The following IFRD1 variants were observed in gnomAD, a reference collection of about 807,000 sequenced individuals.
IFRD1 encodes the protein interferon related developmental regulator 1.
A neutral mutation model predicts 52.9 loss-of-function variants in IFRD1; 35 were observed. The ratio of observed to expected loss-of-function variants is 0.66; its 90% confidence interval spans 0.51 to 0.88. IFRD1 has a LOEUF of 0.88. Among genes scored for constraint, IFRD1 ranks in the 40% least tolerant of loss-of-function variants. The pLI, the probability that IFRD1 is intolerant of heterozygous loss-of-function variation, is 0.00. For missense variants in IFRD1, 517 were observed against 550.8 expected (o/e 0.94, Z 0.61); for synonymous variants, 184 against 188.4 (o/e 0.98, Z 0.19).
In IFRD1 at chr7:112,471,579, CT is replaced by C. The variant is rs369657692; in HGVS notation, c.1042-631del. 4.5e-3 allele frequency among the ~76,000 whole-genome samples: 679 copies of C among 151,618 alleles called. 5 individuals carry two copies. Among genetic ancestry groups the C allele is most frequent in the South Asian group, 0.011 (52 of 4,792 alleles). ...CAAGTTCTGCCACTATTCCAGCTGACTTTTTTTTTAATCCATCTGACTTCTG... is the reference window on the plus strand; with the variant it reads ...CAAGTTCTGCCACTATTCCAGCTGACTTTTTTTTAATCCATCTGACTTCTG... On this transcript the variant is annotated intron_variant, in intron 9 of 11. Coordinates refer to ENST00000403825, the MANE Select transcript of IFRD1 (RefSeq NM_001550.4).
chr7:112,467,101 C>T (rs1263399656), intron 8 of IFRD1, among the ~76,000 whole-genome samples: 1 of 152,060 alleles, frequency 6.6e-6, no homozygotes, highest in Non-Finnish European at 1.5e-5. Context: ...TGTAATAATC[C>T]TTTTCATTTT....
intron 1 of IFRD1, 92 bp downstream of exon 1, chr7:112,450,874 C>T: frequency 1.2e-6 from 1 of 869,068 alleles, no homozygotes; most frequent in African/African-American, 1.7e-5. Context: ...AGTTCTTTCT[C>T]TGATGTACAC....
rs947683122 is a variant in IFRD1, at chr7:112,450,782, G to T, written c.94G>T (p.Gly32Cys). The change falls in exon 1 of 12, where the codon GGT becomes TGT. Residue 32 changes from glycine to cysteine, a missense_variant and splice_region_variant. By Grantham distance (159) the Gly-to-Cys change is radical. Transcript: ENST00000403825. ...AGCCGCAGCGACGGCGGCGACAGCA[G>T]GTAAGGGGTATCCCCGCCGCCGGCA... ...GAAAATAATA[G>C]GQHRNVQPFS... 2.5e-6 allele frequency: 4 copies of T among 1,609,150 alleles called. No homozygotes were observed. The highest frequency in any genetic ancestry group is 3.3e-5 in the Admixed American group (2 of 59,990).
rs555134272 is a variant in IFRD1 at position 112,463,225 on chromosome 7, A to G, written c.906+847A>G. On this transcript the variant is annotated intron_variant, in intron 8 of 11. Transcript: ENST00000403825. ...AAGGATCCAATAAGAAAACTCAAAT[A>G]TATGGGAAATGGGTAACTAAATAGT... Among the ~76,000 whole-genome samples, 194 of 152,318 alleles carry G rather than the reference A, an allele frequency of 1.3e-3. 1 individual carries two copies. Among genetic ancestry groups the G allele is most frequent in the African/African-American group, 4.6e-3 (191 of 41,574 alleles).
intron 9 of IFRD1, among the ~76,000 whole-genome samples, chr7:112,471,916 C>A (rs1584503453): frequency 6.6e-6 from 1 of 152,102 alleles, no homozygotes; most frequent in East Asian, 1.9e-4. Context: ...ATTAAAAACA[C>A]CTGACTTTTT....
intron 8 of IFRD1, among the ~76,000 whole-genome samples, chr7:112,464,967 T>G (rs151315791): frequency 6.6e-6 from 1 of 152,344 alleles, no homozygotes; most frequent in African/African-American, 2.4e-5. Context: ...GTTTGTATAA[T>G]AACTGACTCT....
intron 1 of IFRD1, among the ~76,000 whole-genome samples, chr7:112,434,665 TTATAA>T: frequency 6.6e-6 from 1 of 152,320 alleles, no homozygotes; most frequent in East Asian, 1.9e-4. Context: ...TAAAGACAAA[TTATAA>T]TATGGGATAA....
chr7:112,429,252 A>C (rs541354032), intron 1 of IFRD1, among the ~76,000 whole-genome samples: 4 of 152,150 alleles, frequency 2.6e-5, no homozygotes, highest in Admixed American at 6.5e-5. Flanking sequence ...TGTGTTTGGC[A>C]TGTCTTGTAC....
chr7:112,475,399 T>C (rs1356405353), intron 11 of IFRD1, 31 bp from the exon 12 acceptor site: 1 of 1,242,766 alleles, frequency 8.0e-7, no homozygotes, highest in Non-Finnish European at 1.2e-6. Context: ...TAAGTCTTAC[T>C]GATGCACGTT....
chr7:112,440,766 G>A (rs534706119), intron 1 of IFRD1, among the ~76,000 whole-genome samples: 3 of 152,294 alleles, frequency 2.0e-5, no homozygotes, highest in Non-Finnish European at 2.9e-5. Context: ...GAGTGCTAAG[G>A]AGAAACTGTA....
Position 112,475,589 on chromosome 7 carries a change from AC to A in IFRD1, c.*71del. On this transcript the variant is annotated 3_prime_UTR_variant, in exon 12 of 12. Transcript: ENST00000403825. ...CTATTTCAATGTATTTAAACTCTAGACACAGTTTTTATCCTGGATTAACTTA... is the reference window on the plus strand; with the variant it reads ...CTATTTCAATGTATTTAAACTCTAGAACAGTTTTTATCCTGGATTAACTTA... The A allele has an allele frequency of 1.1e-6, 1 of 937,624 alleles. No individual in the cohort carries two copies. Among genetic ancestry groups the A allele is most frequent in the Middle Eastern group, 2.7e-4 (1 of 3,722 alleles). The allele number at this position is 937,624 out of a possible 1,614,324, so 58.1% of individuals were successfully genotyped here.
chr7:112,456,534 TA>T lies in IFRD1; in HGVS notation c.285-375del, dbSNP rs138162527. ...GCTTCAGAACTGACCTTAATAGAATTAAAAAGCCCTGAAGATGCAATTCTAG... is the reference window on the plus strand; with the variant it reads ...GCTTCAGAACTGACCTTAATAGAATTAAAAGCCCTGAAGATGCAATTCTAG... On this transcript the variant is annotated intron_variant, in intron 3 of 11. Transcript: ENST00000403825. 1.3e-3 allele frequency among the ~76,000 whole-genome samples: 200 copies of T among 152,238 alleles called. 5 individuals carry two copies. The East Asian group carries it at 0.036, about 27-fold the overall frequency.
At chr7:112,452,202 C>T (rs1795184215) in intron 1 of IFRD1, 19 of 773,630 alleles carry the variant, frequency 2.5e-5, no homozygotes, top group Non-Finnish European at 3.0e-5. Flanking sequence ...CTCTGTCGCC[C>T]AGGCTGGAGT....
chr7:112,464,660 C>G (rs1484718711), intron 8 of IFRD1, among the ~76,000 whole-genome samples: 31 of 152,094 alleles, frequency 2.0e-4, no homozygotes, highest in Admixed American at 2.0e-3. Flanking sequence ...TACTAGTGGC[C>G]TTTTAGGAAC....
intron 3 of IFRD1, among the ~76,000 whole-genome samples, chr7:112,456,618 A>G (rs542126881): frequency 9.7e-4 from 148 of 152,346 alleles, no homozygotes; most frequent in Middle Eastern, 3.4e-3. Context: ...TAGGAAAACA[A>G]TACATTAAAA....
chr7:112,472,261 C>T lies in IFRD1; in HGVS notation c.1084C>T (p.Arg362Cys), dbSNP rs755788400. ...AGAAACCATTAAATTTGGTCCTGAA[C>T]GCATGTATATTGATTGCTGGGTAAA... ...PTETIKFGPE[R>C]MYIDCWVKKH... Residue 362 changes from arginine to cysteine, a missense_variant, in exon 10 of 12, where the codon CGC (arginine) becomes TGC (cysteine). By Grantham distance (180) the Arg-to-Cys change is radical. Transcript: ENST00000403825. 20 of 1,613,796 alleles carry T rather than the reference C, an allele frequency of 1.2e-5. No individual in the cohort carries two copies. The highest frequency in any genetic ancestry group is 6.7e-5 in the Admixed American group (4 of 59,996).
chr7:112,443,685 A>G (rs1370738639), intron 1 of IFRD1, among the ~76,000 whole-genome samples: 2 of 152,074 alleles, frequency 1.3e-5, no homozygotes, highest in African/African-American at 4.8e-5. Flanking sequence ...CCTGGCCAAC[A>G]TGATGAACCC....
At chr7:112,440,012 G>C (rs553730383) in intron 1 of IFRD1, among the ~76,000 whole-genome samples, 23 of 151,650 alleles carry the variant, frequency 1.5e-4, no homozygotes, top group African/African-American at 5.6e-4. Context: ...TTGAGATGCA[G>C]TCTTGCTCTG....
chr7:112,428,130 A>G (rs973093340), intron 1 of IFRD1, among the ~76,000 whole-genome samples: 2 of 152,194 alleles, frequency 1.3e-5, no homozygotes, highest in African/African-American at 4.8e-5. Flanking sequence ...CAGATGTAAA[A>G]ACTTTCAAGG....
Sources: allele counts gnomAD v4.1 joint callset (sites outside exome capture counted in the v4.1 genomes callset), GRCh38; gene constraint gnomAD v4.1.1; transcripts MANE v1.5; gene names NCBI Gene and HGNC (gene_info 2026-07-23, HGNC 2026-07-21).